CASP10: variants seen among roughly 807,000 people sequenced by gnomAD.
CASP10 encodes the protein caspase-10.
In CASP10, 41 loss-of-function variants were observed where a neutral mutation model predicts 48.5. That is an observed-to-expected ratio of 0.85 (90% CI 0.66 to 1.10). The LOEUF (loss-of-function observed/expected upper bound fraction) is 1.10. CASP10 is among the 50% of genes least tolerant of loss of function. The pLI is 0.00. For synonymous variants in CASP10, 232 were observed against 238.4 expected (o/e 0.97, Z 0.25); for missense variants, 614 against 614.5 (o/e 1.00, Z 0.01).
At chr2:201,205,228 CTTT>C (rs35121141) in intron 6 of CASP10, among the ~76,000 whole-genome samples, 1 of 138,836 alleles carries the variant, frequency 7.2e-6, no homozygotes, top group Non-Finnish European at 1.6e-5. Flanking sequence ...CTTTTCTTTT[CTTT>C]TTTTTTTTTT....
chr2:201,184,317 TTTG>T (rs1944335119), intron 1 of CASP10, among the ~76,000 whole-genome samples: 1 of 151,850 alleles, frequency 6.6e-6, no homozygotes, highest in South Asian at 2.1e-4. Flanking sequence ...AGGAGGTTTT[TTTG>T]TTGTTGTTTT....
chr2:201,188,320 C>G (rs1267375058), intron 3 of CASP10, among the ~76,000 whole-genome samples: 2 of 152,034 alleles, frequency 1.3e-5, no homozygotes, highest in Non-Finnish European at 2.9e-5. Context: ...GCTGGGATTA[C>G]AGGCATGCAC....
chr2:201,228,959 T>G (rs773281240), exon 10 of CASP10: 179 of 1,613,984 alleles, frequency 1.1e-4, no homozygotes, highest in Non-Finnish European at 1.5e-4. Flanking sequence ...GAAAAGACAA[T>G]GGAAATCAGG....
chr2:201,204,823 G>C (rs575885162), intron 6 of CASP10, among the ~76,000 whole-genome samples: 1 of 152,264 alleles, frequency 6.6e-6, no homozygotes, highest in East Asian at 1.9e-4. Flanking sequence ...GTGACTTCCC[G>C]TGGAGCATTA....
intron 4 of CASP10, chr2:201,193,486 G>A (rs1944683442): frequency 3.3e-6 from 1 of 301,968 alleles, no homozygotes; most frequent in Non-Finnish European, 6.5e-6. Flanking sequence ...GGGATTATAG[G>A]TGTAAGCCAC....
exon 10 of CASP10, chr2:201,229,121 A>G: frequency 6.2e-7 from 1 of 1,613,094 alleles, no homozygotes; most frequent in South Asian, 1.1e-5. Flanking sequence ...CCTTCCAGCC[A>G]CATCGCCTGA....
chr2:201,219,378 A>G lies in CASP10; in HGVS notation c.*1637A>G. On this transcript the variant is annotated 3_prime_UTR_variant, in exon 10 of 10. Transcript: ENST00000286186. The stretch of plus-strand genomic sequence containing the variant: ...GAATTTATTGCCTCTTTCACATTGA[A>G]ACCCAGGAGTGGATAACACTGGCTT... 1 of 927,996 alleles carries G rather than the reference A, an allele frequency of 1.1e-6. No homozygotes were observed. The highest frequency in any genetic ancestry group is 1.8e-5 in the African/African-American group (1 of 56,054). The allele number at this position is 927,996 out of a possible 1,614,324, so 57.5% of individuals were successfully genotyped here. A position where few individuals can be genotyped will look rare whatever the true frequency, so the allele number is the denominator to read the frequency against.
downstream of CASP10, among the ~76,000 whole-genome samples, chr2:201,225,131 A>T (rs571776039): frequency 2.0e-5 from 3 of 152,106 alleles, no homozygotes; most frequent in Non-Finnish European, 4.4e-5. Context: ...CCCTTCAAGG[A>T]TCTTCAGTGC....
intron 3 of CASP10, among the ~76,000 whole-genome samples, chr2:201,192,694 G>A (rs1281530867): frequency 6.6e-6 from 1 of 152,128 alleles, no homozygotes; most frequent in African/African-American, 2.4e-5. Context: ...TCTTTAAAAT[G>A]TGGATTATAA....
At chr2:201,184,891 TAGAC>T (rs1944359947) in intron 1 of CASP10, among the ~76,000 whole-genome samples, 1 of 152,164 alleles carries the variant, frequency 6.6e-6, no homozygotes, top group Admixed American at 6.5e-5. Context: ...GGCTACTCCA[TAGAC>T]AGAGCAGCCG....
At chr2:201,200,582 G>C in intron 5 of CASP10, 2 of 1,576,788 alleles carry the variant, frequency 1.3e-6, no homozygotes, top group Admixed American at 3.6e-5. Context: ...AGAGCCGGGA[G>C]AGGCCTGCTC....
chr2:201,217,728 C>A lies in CASP10; in HGVS notation c.1556C>A (p.Ala519Glu). Residue 519 changes from alanine to glutamate, a missense_variant, in exon 10 of 10, where the codon GCA becomes GAA. Coordinates refer to ENST00000286186, the MANE Select transcript of CASP10 (RefSeq NM_032977.4). ...CTAGTATTCCCTGTGCCCCTGGATG[C>A]ACTTTCATTATAGCAGAGAGTTTTT... ...KKLVFPVPLD[A>E]LSL is the part of the protein sequence containing the mutation. The A allele has an allele frequency of 6.2e-7, 1 of 1,613,960 alleles. No homozygotes were observed. The highest frequency in any genetic ancestry group is 1.1e-5 in the South Asian group (1 of 91,076).
chr2:201,218,449 TG>T lies in CASP10; in HGVS notation c.*709del, dbSNP rs1484958894. 1 of 659,242 alleles carries T rather than the reference TG, an allele frequency of 1.5e-6. No homozygotes were observed. The highest frequency in any genetic ancestry group is 1.9e-6 in the Non-Finnish European group (1 of 532,646). The allele number at this position is 659,242 out of a possible 1,614,324, so 40.8% of individuals were successfully genotyped here. On this transcript the variant is annotated 3_prime_UTR_variant, in exon 10 of 10. Transcript: ENST00000286186. Reference sequence around the variant, plus strand: ...TCCCAAGTAGCTGAGACTACAGGTGTGTGTCCATGCACAGCTAACTTTTTAT... The same window carrying T: ...TCCCAAGTAGCTGAGACTACAGGTGTTGTCCATGCACAGCTAACTTTTTAT...
At chr2:201,223,424 G>A (rs1945749580), downstream of CASP10, among the ~76,000 whole-genome samples, 1 of 152,222 alleles carries the variant, frequency 6.6e-6, no homozygotes, top group Admixed American at 6.5e-5. Flanking sequence ...AGTGCTAAGT[G>A]ACTTACTGAA....
In CASP10 at chr2:201,220,604, A is replaced by T. The variant is rs1286411185; in HGVS notation, c.*2863A>T. 3.8e-6 allele frequency: 1 copy of T among 262,730 alleles called. No individual in the cohort carries two copies. Among genetic ancestry groups the T allele is most frequent in the Non-Finnish European group, 5.9e-6 (1 of 169,710 alleles). 16.3% of individuals were successfully genotyped at this position (262,730 alleles called of 1,614,324 possible). On this transcript the variant is annotated 3_prime_UTR_variant, in exon 10 of 10. Coordinates refer to ENST00000286186, the MANE Select transcript of CASP10 (RefSeq NM_032977.4). ...ACTCTCCCACCCTAAATCCTTAAAAACTCTTAGTCTGTAAGTGAGTGGGCT... is the reference window on the plus strand; with the variant it reads ...ACTCTCCCACCCTAAATCCTTAAAATCTCTTAGTCTGTAAGTGAGTGGGCT...
chr2:201,198,685 C>A lies in CASP10; in HGVS notation c.684+2737C>A, dbSNP rs375093348. Among the ~76,000 whole-genome samples, 441 of 151,748 alleles carry A rather than the reference C, an allele frequency of 2.9e-3. 4 individuals carry two copies. Among genetic ancestry groups the A allele is most frequent in the African/African-American group, 1.0e-2 (413 of 41,372 alleles). On this transcript the variant is annotated intron_variant, in intron 5 of 9. Coordinates refer to ENST00000286186, the MANE Select transcript of CASP10 (RefSeq NM_032977.4). ...CCTTCCAAGTAGCTGGGACCACAGG[C>A]GCCCGCCACCACGCCTGGCTAATTT...
At chr2:201,214,684 G>A (rs1160683516) in intron 9 of CASP10, 9 of 152,160 alleles carry the variant, frequency 5.9e-5, no homozygotes, top group African/African-American at 2.2e-4. Context: ...GGTTATGTAT[G>A]TAGTCTAAGC....
chr2:201,211,507 TTATTTCAC>T (rs1945394181), intron 9 of CASP10, among the ~76,000 whole-genome samples: 1 of 152,226 alleles, frequency 6.6e-6, no homozygotes, highest in Non-Finnish European at 1.5e-5. Flanking sequence ...TGTGTCTTGC[TTATTTCAC>T]TCTGGGCTCA....
intron 5 of CASP10, among the ~76,000 whole-genome samples, chr2:201,197,700 C>T (rs558541768): frequency 1.3e-5 from 2 of 152,324 alleles, no homozygotes; most frequent in African/African-American, 4.8e-5. Context: ...TACCAAGAAC[C>T]TACTGATGAC....
Sources: allele counts gnomAD v4.1 joint callset (sites outside exome capture counted in the v4.1 genomes callset), GRCh38; gene constraint gnomAD v4.1.1; transcripts MANE v1.5; gene names NCBI Gene and HGNC (gene_info 2026-07-23, HGNC 2026-07-21).